The following SACM1L variants were observed in gnomAD, a reference collection of about 807,000 sequenced individuals.
The protein encoded by SACM1L is SAC1 like phosphatidylinositide phosphatase.
A neutral mutation model predicts 89.5 loss-of-function variants in SACM1L; 32 were observed. The ratio of observed to expected loss-of-function variants is 0.36; its 90% CI spans 0.27 to 0.48. The LOEUF (loss-of-function observed/expected upper bound fraction) is 0.48, where lower values mean the gene tolerates loss of function less well. SACM1L is among the 20% of genes least tolerant of loss of function. The probability of loss-of-function intolerance (pLI) is 0.99; values close to 1 mark genes in which losing one functional copy is unlikely to be tolerated. For missense variants in SACM1L, 543 were observed against 708.5 expected (o/e 0.77, Z 2.65); for synonymous variants, 213 against 232.8 (o/e 0.92, Z 0.77).
rs1405981064 is a variant in SACM1L at position 45,737,911 on chromosome 3, C to A, written c.1382+67C>A. The A allele has an allele frequency of 9.1e-6, 12 of 1,317,398 alleles. No homozygotes were observed. The Admixed American group carries it at 1.8e-4, about 20-fold the overall frequency. 81.6% of individuals were successfully genotyped at this position (1,317,398 alleles called of 1,614,324 possible). On this transcript the variant is annotated intron_variant, in intron 16 of 19. Transcript: ENST00000389061. ...ACAGTCCTGGTGCTTTTAAAAATCA[C>A]CTGGGCAGCTTTCAGACAGCAGCAG...
intron 1 of SACM1L, among the ~76,000 whole-genome samples, chr3:45,697,200 C>T (rs1356034166): frequency 1.3e-5 from 2 of 149,748 alleles, no homozygotes; most frequent in African/African-American, 4.9e-5. Flanking sequence ...TGAGATCTCG[C>T]TGTGTTGACC....
intron 3 of SACM1L, 123 bp downstream of exon 3, chr3:45,705,332 G>A (rs1698364400): frequency 1.0e-5 from 5 of 495,546 alleles, no homozygotes; most frequent in Non-Finnish European, 1.8e-5. Context: ...TAAATCTCTT[G>A]GTTAAGTATT....
chr3:45,724,822 CTG>C (rs774620610), intron 11 of SACM1L, among the ~76,000 whole-genome samples: 8 of 152,142 alleles, frequency 5.3e-5, no homozygotes, highest in Non-Finnish European at 8.8e-5. Context: ...GTATGTGTGT[CTG>C]TGTATTACTT....
At chr3:45,707,061 TA>T in intron 4 of SACM1L, 154 bp downstream of exon 4, 1 of 556,048 alleles carries the variant, frequency 1.8e-6, no homozygotes, top group East Asian at 3.6e-5. Flanking sequence ...TACCTAGGCA[TA>T]AAAAATATTT....
chr3:45,733,696 T>C (rs1699127284), intron 13 of SACM1L, among the ~76,000 whole-genome samples: 1 of 152,240 alleles, frequency 6.6e-6, no homozygotes. Context: ...TTATCCAGTA[T>C]TCGTTGTTTG....
intron 1 of SACM1L, among the ~76,000 whole-genome samples, chr3:45,697,157 CT>C (rs905708876): frequency 9.9e-5 from 14 of 141,844 alleles, no homozygotes; most frequent in Non-Finnish European, 6.2e-5. Context: ...TTGATTCTTT[CT>C]TTTTTTTTTA....
chr3:45,702,312 G>A (rs1421125106), intron 1 of SACM1L, among the ~76,000 whole-genome samples: 1 of 152,220 alleles, frequency 6.6e-6, no homozygotes, highest in Admixed American at 6.5e-5. Flanking sequence ...TGATGTCCAT[G>A]ATGGTTGTGT....
intron 7 of SACM1L, 126 bp downstream of exon 7, chr3:45,714,205 G>C (rs1575396625): frequency 1.0e-5 from 4 of 391,904 alleles, no homozygotes; most frequent in Non-Finnish European, 8.7e-6. Flanking sequence ...ATAAATTGCT[G>C]TTGATAAGAA....
intron 11 of SACM1L, among the ~76,000 whole-genome samples, chr3:45,724,985 C>G (rs1383670960): frequency 6.6e-6 from 1 of 152,116 alleles, no homozygotes; most frequent in Non-Finnish European, 1.5e-5. Context: ...AATAAAAACT[C>G]AGTTGAACAT....
intron 1 of SACM1L, among the ~76,000 whole-genome samples, chr3:45,691,108 G>A (rs1697976697): frequency 1.3e-5 from 2 of 152,216 alleles, no homozygotes; most frequent in Non-Finnish European, 2.9e-5. Context: ...ATTTGTCCCT[G>A]AAGTAGTAAG....
chr3:45,710,852 A>C (rs1398259484), intron 5 of SACM1L, among the ~76,000 whole-genome samples: 1 of 152,178 alleles, frequency 6.6e-6, no homozygotes, highest in Admixed American at 6.5e-5. Flanking sequence ...GTTTAGGTGC[A>C]GGCTAAGCAT....
At chr3:45,691,715 A>G (rs1432843916) in intron 1 of SACM1L, among the ~76,000 whole-genome samples, 1 of 152,062 alleles carries the variant, frequency 6.6e-6, no homozygotes, top group Admixed American at 6.6e-5. Context: ...CCTAGTCTCA[A>G]GCGAGCCTCC....
At chr3:45,690,252 GT>G (rs1248285081) in intron 1 of SACM1L, 4 of 152,194 alleles carry the variant, frequency 2.6e-5, no homozygotes, top group African/African-American at 9.7e-5. Context: ...AACAACATGT[GT>G]TTATTTCCCT....
intron 14 of SACM1L, among the ~76,000 whole-genome samples, chr3:45,736,610 CGTCTGTTGGAAG>C (rs1321273038): frequency 6.6e-6 from 1 of 152,132 alleles, no homozygotes; most frequent in Non-Finnish European, 1.5e-5. Flanking sequence ...GCTATGTCCT[CGTCTGTTGGAAG>C]GTCTTCTAAG....
At chr3:45,691,599 T>C (rs11707209) in intron 1 of SACM1L, among the ~76,000 whole-genome samples, 18,086 of 56,494 alleles carry the variant, frequency 0.32, 1,093 homozygotes, top group Non-Finnish European at 0.36. Context: ...GAAATGCTTG[T>C]TTTTTTTTTC....
Position 45,737,864 on chromosome 3 carries a change from T to C in SACM1L, c.1382+20T>C, listed in dbSNP as rs1444758391. 1 of 1,599,922 alleles carries C rather than the reference T, an allele frequency of 6.3e-7. No homozygotes were observed. Among genetic ancestry groups the C allele is most frequent in the Non-Finnish European group, 8.6e-7 (1 of 1,167,712 alleles). On this transcript the variant is annotated intron_variant, in intron 16 of 19. Transcript: ENST00000389061. ...TACCAGGCAAGCCATGCTTTTAAAATAGCATTCCACATCAGTAGTTCACAG... is the reference window on the plus strand; with the variant it reads ...TACCAGGCAAGCCATGCTTTTAAAACAGCATTCCACATCAGTAGTTCACAG...
At chr3:45,728,287 T>A (rs982736984) in intron 11 of SACM1L, among the ~76,000 whole-genome samples, 1 of 152,222 alleles carries the variant, frequency 6.6e-6, no homozygotes, top group African/African-American at 2.4e-5. Flanking sequence ...GCATTTAAAG[T>A]AATTACTGAT....
At chr3:45,698,389 A>T (rs1698179154) in intron 1 of SACM1L, among the ~76,000 whole-genome samples, 1 of 152,160 alleles carries the variant, frequency 6.6e-6, no homozygotes, top group African/African-American at 2.4e-5. Context: ...AAGCCTAGAG[A>T]TACCACTTTC....
chr3:45,707,154 A>T (rs1242743978), intron 4 of SACM1L: 1 of 314,952 alleles, frequency 3.2e-6, no homozygotes, highest in African/African-American at 2.2e-5. Flanking sequence ...AGAGAAGGGA[A>T]AACAGAAATG....
Sources: gnomAD v4.1 joint callset for allele counts (sites outside exome capture counted in the v4.1 genomes callset) on GRCh38, gnomAD v4.1.1 for gene constraint, MANE v1.5 for transcripts, NCBI Gene and HGNC (gene_info 2026-07-23, HGNC 2026-07-21) for gene names.